Variants in PRKCE observed in about 807,000 individuals in gnomAD.
PRKCE encodes protein kinase C epsilon, also known as protein kinase C epsilon type.
PRKCE carries 16 observed loss-of-function variants against 85.4 expected under a neutral mutation model. That is an observed-to-expected ratio of 0.19 (90% CI 0.13 to 0.28). The LOEUF is 0.28. Ranked by LOEUF, PRKCE falls within the 10% of genes least tolerant of loss-of-function variation. The pLI is 1.00. For synonymous variants in PRKCE, 388 were observed against 371.5 expected, an observed-to-expected ratio of 1.04 and a Z score of -0.51; for missense variants, 573 against 975.2, an observed-to-expected ratio of 0.59 and a Z score of 5.49.
intron 1 of PRKCE, among the ~76,000 whole-genome samples, chr2:45,806,304 A>C (rs1688239583): frequency 6.6e-6 from 1 of 152,204 alleles, no homozygotes; most frequent in Non-Finnish European, 1.5e-5. Context: ...CATGATATGC[A>C]TGTCAATGGT....
chr2:46,057,935 T>C (rs1203588945), intron 10 of PRKCE, among the ~76,000 whole-genome samples: 2 of 152,138 alleles, frequency 1.3e-5, no homozygotes, highest in East Asian at 3.9e-4. Context: ...CTACACTAAC[T>C]GAAGTGAAGG....
chr2:45,795,257 A>C (rs1333812894), intron 1 of PRKCE, among the ~76,000 whole-genome samples: 1 of 151,946 alleles, frequency 6.6e-6, no homozygotes, highest in Non-Finnish European at 1.5e-5. Context: ...ACCACCCCGC[A>C]CCACCACATC....
chr2:46,116,526 G>C (rs1021368094), intron 11 of PRKCE, among the ~76,000 whole-genome samples: 1 of 152,220 alleles, frequency 6.6e-6, no homozygotes, highest in Non-Finnish European at 1.5e-5. Flanking sequence ...GAAATCAGAA[G>C]GCTGGGTTAC....
At chr2:45,910,237 C>T (rs938233796) in intron 2 of PRKCE, among the ~76,000 whole-genome samples, 1 of 152,216 alleles carries the variant, frequency 6.6e-6, no homozygotes, top group Admixed American at 6.5e-5. Context: ...CCTTAAGTGT[C>T]TCTGAAGGCC....
At chr2:45,850,006 A>G (rs1692123329) in intron 2 of PRKCE, among the ~76,000 whole-genome samples, 1 of 152,222 alleles carries the variant, frequency 6.6e-6, no homozygotes, top group African/African-American at 2.4e-5. Context: ...CATCGCTAAG[A>G]TGCTTGATGA....
chr2:46,018,005 A>ACACAC (rs2104852048), intron 10 of PRKCE, among the ~76,000 whole-genome samples: 1 of 152,310 alleles, frequency 6.6e-6, no homozygotes, highest in African/African-American at 2.4e-5. Flanking sequence ...AATTCCTGTC[A>ACACAC]CACACATGAA....
intron 1 of PRKCE, among the ~76,000 whole-genome samples, chr2:45,753,971 T>A (rs1683795858): frequency 6.6e-6 from 1 of 152,242 alleles, no homozygotes; most frequent in African/African-American, 2.4e-5. Flanking sequence ...TATTCAGATT[T>A]TCCCAGTTGC....
At chr2:45,659,518 G>A (rs1046788058) in intron 1 of PRKCE, among the ~76,000 whole-genome samples, 2 of 152,162 alleles carry the variant, frequency 1.3e-5, no homozygotes, top group African/African-American at 4.8e-5. Context: ...TCTCAGGTGA[G>A]ATTATCCCTT....
At chr2:45,983,858 T>G (rs1703093583) in intron 5 of PRKCE, among the ~76,000 whole-genome samples, 2 of 152,040 alleles carry the variant, frequency 1.3e-5, no homozygotes, top group Admixed American at 1.3e-4. Context: ...CTGCACAGAA[T>G]CCCGTGTCCA....
At chr2:45,922,654 G>T (rs115172496) in intron 2 of PRKCE, among the ~76,000 whole-genome samples, 4 of 152,176 alleles carry the variant, frequency 2.6e-5, no homozygotes, top group Admixed American at 6.5e-5. Context: ...CTGGGGTGCC[G>T]TCAGCTCAAG....
chr2:45,832,247 C>A (rs958259200), intron 1 of PRKCE, among the ~76,000 whole-genome samples: 1 of 151,860 alleles, frequency 6.6e-6, no homozygotes, highest in Non-Finnish European at 1.5e-5. Flanking sequence ...GTGTACCTTA[C>A]AACTATGAGC....
At chr2:45,746,818 T>A (rs190515043) in intron 1 of PRKCE, among the ~76,000 whole-genome samples, 1 of 152,274 alleles carries the variant, frequency 6.6e-6, no homozygotes, top group Admixed American at 6.5e-5. Flanking sequence ...GCATGCTTCT[T>A]CTCTCCAAGG....
chr2:45,961,359 A>G (rs1442577594), intron 2 of PRKCE, among the ~76,000 whole-genome samples: 2 of 152,226 alleles, frequency 1.3e-5, no homozygotes, highest in Non-Finnish European at 2.9e-5. Context: ...CTACTGCTAT[A>G]TAACAAGTTA....
intron 2 of PRKCE, among the ~76,000 whole-genome samples, chr2:45,926,570 G>C (rs1301460957): frequency 6.6e-6 from 1 of 152,226 alleles, no homozygotes; most frequent in Non-Finnish European, 1.5e-5. Context: ...AAGCAAAACT[G>C]TGAGGTAGGC....
chr2:45,971,483 G>C (rs1702107785), intron 2 of PRKCE, among the ~76,000 whole-genome samples: 1 of 152,162 alleles, frequency 6.6e-6, no homozygotes, highest in Non-Finnish European at 1.5e-5. Context: ...ATCTGCTTCA[G>C]CTTTCCTTTA....
At chr2:45,961,197 T>C (rs1246661177) in intron 2 of PRKCE, among the ~76,000 whole-genome samples, 1 of 152,162 alleles carries the variant, frequency 6.6e-6, no homozygotes, top group Non-Finnish European at 1.5e-5. Context: ...GGCAGGAGTG[T>C]GTAACACCAA....
chr2:45,905,952 T>A lies in PRKCE; in HGVS notation c.412+62889T>A, dbSNP rs1301698871. ...TGTCTGCCCACATGAAGGGCCGGGGTGGGCAGGCTATCTTCAGCGGTGATG... is the reference window on the plus strand; with the variant it reads ...TGTCTGCCCACATGAAGGGCCGGGGAGGGCAGGCTATCTTCAGCGGTGATG... On this transcript the variant is annotated intron_variant, in intron 2 of 14. Coordinates refer to ENST00000306156, the MANE Select transcript of PRKCE (RefSeq NM_005400.3). This position sits in a 1 kb window ranked among gnomAD's most constrained non-coding sequence, Gnocchi z 4.4. Among the ~76,000 whole-genome samples, 3 of 152,054 alleles carry A rather than the reference T, an allele frequency of 2.0e-5. No homozygotes were observed. Among genetic ancestry groups the A allele is most frequent in the Non-Finnish European group, 4.4e-5 (3 of 68,004 alleles).
At chr2:45,705,106 G>C (rs1679000381) in intron 1 of PRKCE, among the ~76,000 whole-genome samples, 2 of 152,144 alleles carry the variant, frequency 1.3e-5, no homozygotes, top group Admixed American at 6.5e-5. Flanking sequence ...ACTATCATTT[G>C]GACATGGAAT....
chr2:45,854,531 C>T lies in PRKCE; in HGVS notation c.412+11468C>T, dbSNP rs773731187. Among the ~76,000 whole-genome samples, 64 of 152,324 alleles carry T rather than the reference C, an allele frequency of 4.2e-4. 1 individual carries two copies. The highest frequency in any genetic ancestry group is 7.5e-4 in the Non-Finnish European group (51 of 68,028). Reference sequence around the variant, plus strand: ...AAAATAAGAAGCTTGGATTCTGTTCCTAGCTGCTACTAACCAGCCTATTGA... The same window carrying T: ...AAAATAAGAAGCTTGGATTCTGTTCTTAGCTGCTACTAACCAGCCTATTGA... On this transcript the variant is annotated intron_variant, in intron 2 of 14. Coordinates refer to ENST00000306156, the MANE Select transcript of PRKCE (RefSeq NM_005400.3).
Sources: allele counts gnomAD v4.1 joint callset (sites outside exome capture counted in the v4.1 genomes callset), GRCh38; gene constraint gnomAD v4.1.1; non-coding constraint Gnocchi (gnomAD v3.1); transcripts MANE v1.5; gene names NCBI Gene and HGNC (gene_info 2026-07-23, HGNC 2026-07-21).